Variants in ENOSF1 observed in about 807,000 individuals in gnomAD.
ENOSF1 encodes the protein enolase superfamily member 1, also known as mitochondrial enolase superfamily member 1.
In ENOSF1, 73 loss-of-function variants were observed where a neutral mutation model predicts 68.2. That is an observed-to-expected ratio of 1.07 (90% CI 0.89 to 1.30). The LOEUF is 1.30. Among genes scored for constraint, ENOSF1 ranks in the 50% most tolerant of loss-of-function variants. The pLI is 0.00. For missense variants in ENOSF1, 589 were observed against 554.5 expected (o/e 1.06, Z -0.62); for synonymous variants, 223 against 210.4 (o/e 1.06, Z -0.52).
rs541281683 is a variant in ENOSF1, at chr18:694,798, CCT to C, written c.310-466_310-465del. ...ATAGCAGGAAAAACACCTGTGTTTT[CCT>C]CTCTTCTTTCTCTCTCTCTATATAT... On this transcript the variant is annotated intron_variant, in intron 3 of 15. Transcript: ENST00000647584. Among the ~76,000 whole-genome samples the C allele has an allele frequency of 4.5e-4, 64 of 140,864 alleles. 2 individuals are homozygous for C. The East Asian group carries it at 0.011, about 23-fold the overall frequency. 92.4% of individuals were successfully genotyped at this position (140,864 alleles called of 152,430 possible). A position where few individuals can be genotyped will look rare whatever the true frequency, so the allele number is the denominator to read the frequency against.
intron 2 of ENOSF1, among the ~76,000 whole-genome samples, chr18:704,655 G>A (rs1476010669): frequency 1.4e-5 from 2 of 147,532 alleles, no homozygotes; most frequent in Non-Finnish European, 3.0e-5. Context: ...ACCCAGGCTG[G>A]AGTGCAGCGG....
At chr18:694,027 C>T (rs989411916) in intron 4 of ENOSF1, 119 bp from the exon 5 acceptor site, 8 of 1,181,612 alleles carry the variant, frequency 6.8e-6, no homozygotes, top group African/African-American at 3.0e-5. Flanking sequence ...CCACACCCCC[C>T]TCTACTGCTG....
chr18:694,225 T>C, intron 4 of ENOSF1, 23 bp downstream of exon 4: 1 of 1,611,866 alleles, frequency 6.2e-7, no homozygotes, highest in Non-Finnish European at 8.5e-7. Flanking sequence ...AGGAGCCTCC[T>C]GAGCGTTTGT....
chr18:674,978 G>A (rs368604360), intron 15 of ENOSF1, among the ~76,000 whole-genome samples: 4 of 152,342 alleles, frequency 2.6e-5, no homozygotes, highest in African/African-American at 4.8e-5. Flanking sequence ...TCTTGAACAT[G>A]ATCAGAATAA....
intron 1 of ENOSF1, chr18:706,779 T>G (rs1036773961): frequency 2.7e-6 from 1 of 366,176 alleles, no homozygotes; most frequent in Non-Finnish European, 4.9e-6. Flanking sequence ...AGATCCAAAA[T>G]GTTTCAACAA....
chr18:699,674 A>G (rs1212893489), intron 2 of ENOSF1, among the ~76,000 whole-genome samples: 1 of 152,156 alleles, frequency 6.6e-6, no homozygotes, highest in Non-Finnish European at 1.5e-5. Flanking sequence ...CGTTTTGATT[A>G]ATTTGTTTGG....
intron 14 of ENOSF1, 137 bp from the exon 15 acceptor site, chr18:675,539 T>C: frequency 1.4e-6 from 1 of 734,452 alleles, no homozygotes; most frequent in South Asian, 1.6e-5. Flanking sequence ...CATGCGTTTC[T>C]AGGCAAGTCC....
In ENOSF1 at chr18:671,133, A is replaced by G. The variant is rs535951618; in HGVS notation, c.*3172T>C. The G allele has an allele frequency of 7.7e-5, 47 of 612,732 alleles. No homozygotes were observed. In the African/African-American group the frequency reaches 8.3e-4, roughly 11 times the overall value. 38.0% of individuals were successfully genotyped at this position (612,732 alleles called of 1,614,324 possible). ...CTCAAAAGCTATGCTGAGGTTGGGT[A>G]TGGTGGCTCATGCCTGTAATCCCAG... On this transcript the variant is annotated 3_prime_UTR_variant, in exon 16 of 16. Coordinates refer to ENST00000647584, the MANE Select transcript of ENOSF1 (RefSeq NM_017512.7).
At chr18:690,679 C>T (rs367958424) in intron 7 of ENOSF1, 48 bp from the exon 8 acceptor site, 32 of 1,265,872 alleles carry the variant, frequency 2.5e-5, no homozygotes, top group African/African-American at 9.3e-5. Context: ...CAGGGCCCTT[C>T]GGAATTGGAA....
In ENOSF1 at chr18:692,817, A is replaced by T. The variant is rs549117355; in HGVS notation, c.423+1065T>A. The T allele has an allele frequency of 4.7e-3, 4,855 of 1,041,734 alleles. 15 individuals are homozygous for T. The highest frequency in any genetic ancestry group is 5.4e-3 in the Non-Finnish European group (4,619 of 862,660). 64.5% of individuals were successfully genotyped at this position (1,041,734 alleles called of 1,614,324 possible). A position where few individuals can be genotyped will look rare whatever the true frequency, so the allele number is the denominator to read the frequency against. On this transcript the variant is annotated intron_variant, in intron 5 of 15. Coordinates refer to ENST00000647584, the MANE Select transcript of ENOSF1 (RefSeq NM_017512.7). ...AGAGCTCTGTGTCCTTCCCCTACGG[A>T]TGGCCCGGAAGCCACTCTCCATGTC...
At chr18:691,032 A>C (rs763378153) in intron 7 of ENOSF1, 36 bp downstream of exon 7, 2 of 1,611,276 alleles carry the variant, frequency 1.2e-6, no homozygotes, top group South Asian at 2.2e-5. Context: ...GGACAATGTT[A>C]GCAAAAACAA....
At chr18:689,611 T>C (rs1011075032) in intron 8 of ENOSF1, among the ~76,000 whole-genome samples, 2 of 152,086 alleles carry the variant, frequency 1.3e-5, no homozygotes, top group Non-Finnish European at 2.9e-5. Context: ...AACAGGAAAG[T>C]ATTAAATTTC....
intron 9 of ENOSF1, 144 bp downstream of exon 9, chr18:688,430 G>C: frequency 1.0e-6 from 1 of 973,540 alleles, no homozygotes; most frequent in Non-Finnish European, 1.5e-6. Context: ...GGCCTAAGGG[G>C]AAACTTCTCT....
intron 9 of ENOSF1, 152 bp from the exon 10 acceptor site, chr18:686,160 T>C (rs2076596385): frequency 1.6e-6 from 1 of 632,934 alleles, no homozygotes; most frequent in Non-Finnish European, 2.9e-6. Context: ...GATAAGTCAC[T>C]TGAAATAAAC....
intron 2 of ENOSF1, among the ~76,000 whole-genome samples, chr18:700,702 T>C (rs1287696783): frequency 1.3e-5 from 2 of 151,770 alleles, no homozygotes; most frequent in African/African-American, 2.4e-5. Flanking sequence ...CTGATCAACA[T>C]GGTGAAACCC....
At chr18:712,427 CTTA>C in intron 1 of ENOSF1, 74 bp downstream of exon 1, 1 of 605,886 alleles carries the variant, frequency 1.7e-6, no homozygotes, top group Non-Finnish European at 2.9e-6. Flanking sequence ...GGCGTCCGCG[CTTA>C]CCATGGCGTC....
In ENOSF1 at chr18:697,263, T is replaced by C; in HGVS notation, c.286A>G (p.Thr96Ala). 1 of 1,613,804 alleles carries C rather than the reference T, an allele frequency of 6.2e-7. No homozygotes were observed. The highest frequency in any genetic ancestry group is 8.5e-7 in the Non-Finnish European group (1 of 1,179,692). Residue 96 changes from threonine to alanine, a missense_variant, in exon 3 of 16, where the codon ACA becomes GCA. Coordinates refer to ENST00000647584, the MANE Select transcript of ENOSF1 (RefSeq NM_017512.7). The stretch of plus-strand genomic sequence containing the variant: ...ACCCATCTGAGCTGCCCATCACTTG[T>C]GAGCTGCCTATAGAAGCCTCTGAAG... ...GDFRGFYRQL[T>A]SDGQLRWIGP...
At chr18:667,817 T>C (rs994431432), downstream of ENOSF1, 5 of 152,128 alleles carry the variant, frequency 3.3e-5, no homozygotes, top group Non-Finnish European at 7.3e-5. Context: ...GTGAGGCCAG[T>C]CCCCGGGCTT....
At chr18:667,559 T>C (rs74923550), downstream of ENOSF1, among the ~76,000 whole-genome samples, 9 of 66,346 alleles carry the variant, frequency 1.4e-4, 3 homozygotes, top group African/African-American at 9.8e-4. Flanking sequence ...ATGGAGATGG[T>C]GATGGTGATG....
Sources: gnomAD v4.1 joint callset for allele counts (sites outside exome capture counted in the v4.1 genomes callset) on GRCh38, gnomAD v4.1.1 for gene constraint, MANE v1.5 for transcripts, NCBI Gene and HGNC (gene_info 2026-07-23, HGNC 2026-07-21) for gene names.